CNST: variants seen among roughly 807,000 people sequenced by gnomAD.
The protein encoded by CNST is consortin.
In CNST, 39 loss-of-function variants were observed where a neutral mutation model predicts 72.4. That is an observed-to-expected ratio of 0.54 (90% confidence interval 0.42 to 0.70). The LOEUF is 0.70. CNST is among the 30% of genes least tolerant of loss of function. The pLI is 0.00. For missense variants in CNST, 871 were observed against 868.5 expected, an observed-to-expected ratio of 1.00 and a Z score of -0.04; for synonymous variants, 332 against 320.1, an observed-to-expected ratio of 1.04 and a Z score of -0.40.
chr1:246,615,262 G>A (rs575886461), intron 2 of CNST, among the ~76,000 whole-genome samples: 7 of 152,112 alleles, frequency 4.6e-5, no homozygotes, highest in East Asian at 3.9e-4. Context: ...TGCAACCTCC[G>A]CCTCCCGGGT....
At chr1:246,582,889 C>T (rs1052964771) in intron 1 of CNST, among the ~76,000 whole-genome samples, 1 of 152,200 alleles carries the variant, frequency 6.6e-6, no homozygotes, top group Non-Finnish European at 1.5e-5. Flanking sequence ...TTCCTCCAGA[C>T]CGTGGCTGAA....
chr1:246,631,740 A>G (rs1664782414), intron 3 of CNST, among the ~76,000 whole-genome samples, 154 bp from the exon 4 acceptor site: 1 of 152,218 alleles, frequency 6.6e-6, no homozygotes, highest in Admixed American at 6.5e-5. Flanking sequence ...CTACAGTCAG[A>G]TTTCTTCTGA....
chr1:246,648,058 A>G lies in CNST; in HGVS notation c.1836+21A>G, dbSNP rs1202496793. 10 of 1,570,228 alleles carry G rather than the reference A, an allele frequency of 6.4e-6. No individual in the cohort carries two copies. The Admixed American group carries it at 1.4e-4, about 22-fold the overall frequency. On this transcript the variant is annotated intron_variant, in intron 9 of 10. Coordinates refer to ENST00000366513, the MANE Select transcript of CNST (RefSeq NM_152609.3). ...CAGAGGTAAATCAGAGATGAAGTACAATTAAAAGTAAAATGGCATTTAAAA... is the reference window on the plus strand; with the variant it reads ...CAGAGGTAAATCAGAGATGAAGTACGATTAAAAGTAAAATGGCATTTAAAA...
intron 8 of CNST, 95 bp downstream of exon 8, chr1:246,642,132 GGTTTTTTTTT>G (rs1406819349): frequency 5.1e-6 from 1 of 196,962 alleles, no homozygotes; most frequent in South Asian, 9.8e-5. Context: ...CAAAGGATCT[GGTTTTTTTTT>G]TTTTTTTTTT....
intron 6 of CNST, among the ~76,000 whole-genome samples, chr1:246,637,989 G>A (rs780119006): frequency 1.3e-5 from 2 of 152,088 alleles, no homozygotes; most frequent in Non-Finnish European, 1.5e-5. Flanking sequence ...AGAAAAAGGC[G>A]GTGGCCAGAG....
At chr1:246,643,539 G>A (rs1298040372) in intron 8 of CNST, among the ~76,000 whole-genome samples, 1 of 152,174 alleles carries the variant, frequency 6.6e-6, no homozygotes, top group Non-Finnish European at 1.5e-5. Context: ...GAGTCATGTG[G>A]TACAGATGGG....
intron 2 of CNST, among the ~76,000 whole-genome samples, chr1:246,597,604 A>G (rs1169138614): frequency 6.6e-6 from 1 of 152,184 alleles, no homozygotes; most frequent in Non-Finnish European, 1.5e-5. Flanking sequence ...ACCTTTCTCA[A>G]TTGACCTGCC....
In CNST at chr1:246,609,892, T is replaced by C. The variant is rs192211343; in HGVS notation, c.380-11537T>C. ...CCATTTTAACCATTTCATTCTACAG[T>C]TCAGTGGCATTAATTACATTCATAA... On this transcript the variant is annotated intron_variant, in intron 2 of 10. Transcript: ENST00000366513. 6.6e-5 allele frequency among the ~76,000 whole-genome samples: 10 copies of C among 152,312 alleles called. No individual in the cohort carries two copies. In the East Asian group the frequency reaches 1.9e-3, roughly 29 times the overall value.
intron 1 of CNST, among the ~76,000 whole-genome samples, chr1:246,570,410 A>T (rs187213688): frequency 2.7e-4 from 41 of 152,356 alleles, no homozygotes; most frequent in Admixed American, 2.7e-3. Context: ...GCTGTGTGTT[A>T]TATCTACATT....
intron 9 of CNST, among the ~76,000 whole-genome samples, chr1:246,652,019 CT>C (rs2103144906): frequency 1.3e-5 from 2 of 152,326 alleles, no homozygotes; most frequent in South Asian, 4.1e-4. Flanking sequence ...TAACAGTCGT[CT>C]GGCACCAAGT....
Position 246,665,701 on chromosome 1 carries a change from T to C in CNST, c.1974T>C (p.Asp658=), listed in dbSNP as rs1206047424. Residue 658 remains aspartate (D), a splice_region_variant and synonymous_variant, in exon 11 of 11, where the codon GAT becomes GAC. Coordinates refer to ENST00000366513, the MANE Select transcript of CNST (RefSeq NM_152609.3). ...FQEIDDSLDQ[D]EVGGGSCILL... is the part of the protein sequence containing the mutation. ...CCTCACTCTTTCTCATGTTTGCAGA[T>C]GAAGTTGGAGGTGGCTCCTGTATTT... 1.2e-6 allele frequency: 2 copies of C among 1,612,376 alleles called. No individual in the cohort carries two copies. The highest frequency in any genetic ancestry group is 3.3e-5 in the Admixed American group (2 of 59,994).
chr1:246,572,684 T>C (rs776375642), intron 1 of CNST, among the ~76,000 whole-genome samples: 1 of 152,104 alleles, frequency 6.6e-6, no homozygotes, highest in Non-Finnish European at 1.5e-5. Context: ...TAATAAATAG[T>C]GGAGTTATTT....
At chr1:246,599,929 T>C (rs893954498) in intron 2 of CNST, among the ~76,000 whole-genome samples, 1 of 152,220 alleles carries the variant, frequency 6.6e-6, no homozygotes, top group Non-Finnish European at 1.5e-5. Flanking sequence ...CAGTTTTGTA[T>C]GCTCAAGTGA....
At chr1:246,640,632 C>T (rs972344975) in intron 6 of CNST, among the ~76,000 whole-genome samples, 2 of 152,102 alleles carry the variant, frequency 1.3e-5, no homozygotes, top group Admixed American at 6.5e-5. Flanking sequence ...ATAACTTTTT[C>T]TCCTTTTCTC....
Position 246,634,028 on chromosome 1 carries a change from T to C in CNST, c.703+18T>C, listed in dbSNP as rs200183927. 47 of 1,477,728 alleles carry C rather than the reference T, an allele frequency of 3.2e-5. No individual in the cohort carries two copies. In the East Asian group the frequency reaches 1.0e-3, roughly 31 times the overall value. 91.5% of individuals were successfully genotyped at this position (1,477,728 alleles called of 1,614,324 possible). On this transcript the variant is annotated intron_variant, in intron 5 of 10. Coordinates refer to ENST00000366513, the MANE Select transcript of CNST (RefSeq NM_152609.3). Reference sequence around the variant, plus strand: ...ACAGTGGGGTAAGTACAGACCAACATGGAATGTGGAATTAGCAGTAATCCA... The same window carrying C: ...ACAGTGGGGTAAGTACAGACCAACACGGAATGTGGAATTAGCAGTAATCCA...
At chr1:246,626,640 A>G (rs1321710433) in intron 3 of CNST, among the ~76,000 whole-genome samples, 3 of 151,620 alleles carry the variant, frequency 2.0e-5, no homozygotes, top group African/African-American at 7.3e-5. Flanking sequence ...AATTTTTAGC[A>G]GAGACGGGGT....
At chr1:246,577,402 C>T (rs954077493) in intron 1 of CNST, among the ~76,000 whole-genome samples, 2 of 152,124 alleles carry the variant, frequency 1.3e-5, no homozygotes, top group African/African-American at 4.8e-5. Flanking sequence ...TTGAACTGAA[C>T]TTTGGATTAA....
intron 5 of CNST, 181 bp from the exon 6 acceptor site, chr1:246,634,292 C>T (rs1468065788): frequency 5.8e-5 from 33 of 567,838 alleles, no homozygotes; most frequent in Non-Finnish European, 1.0e-4. Context: ...AATTTAGTCT[C>T]TAGGATGATA....
intron 1 of CNST, among the ~76,000 whole-genome samples, chr1:246,583,534 A>G (rs1432983505): frequency 6.6e-6 from 1 of 152,210 alleles, no homozygotes; most frequent in Non-Finnish European, 1.5e-5. Context: ...TATAGTCCTC[A>G]GGGCATGTTG....
Sources: allele counts gnomAD v4.1 joint callset (sites outside exome capture counted in the v4.1 genomes callset), GRCh38; gene constraint gnomAD v4.1.1; transcripts MANE v1.5; gene names NCBI Gene and HGNC (gene_info 2026-07-23, HGNC 2026-07-21).